Variants in TRPS1 observed in about 807,000 individuals in gnomAD.
TRPS1 encodes zinc finger transcription factor Trps1.
In TRPS1, 6 loss-of-function variants were observed where a neutral mutation model predicts 101.2. The ratio of observed to expected loss-of-function variants is 0.06; its 90% confidence interval spans 0.03 to 0.12. The LOEUF is 0.12. TRPS1 is among the 10% of genes least tolerant of loss of function. The pLI is 1.00. For missense variants in TRPS1, 1,363 were observed against 1,567.0 expected, an observed-to-expected ratio of 0.87 and a Z score of 2.20; for synonymous variants, 578 against 589.8, an observed-to-expected ratio of 0.98 and a Z score of 0.29.
chr8:115,487,412 A>G (rs1814910986), intron 5 of TRPS1, among the ~76,000 whole-genome samples: 2 of 152,144 alleles, frequency 1.3e-5, no homozygotes, highest in African/African-American at 4.8e-5. Flanking sequence ...AGGAGTAATT[A>G]GGACTTTTCA....
chr8:115,554,927 G>C (rs904004345), intron 5 of TRPS1, among the ~76,000 whole-genome samples: 2 of 152,088 alleles, frequency 1.3e-5, no homozygotes, highest in Non-Finnish European at 2.9e-5. Flanking sequence ...GGGTGACTGA[G>C]ACCAGTTTGA....
intron 5 of TRPS1, among the ~76,000 whole-genome samples, chr8:115,522,105 C>T (rs900705949): frequency 4.0e-5 from 6 of 151,842 alleles, no homozygotes; most frequent in African/African-American, 1.2e-4. Flanking sequence ...TTTAATGGAT[C>T]GTTTTTAGAT....
chr8:115,431,463 A>G (rs1207751140), intron 5 of TRPS1, among the ~76,000 whole-genome samples: 1 of 152,042 alleles, frequency 6.6e-6, no homozygotes, highest in East Asian at 1.9e-4. Context: ...AAAATATATG[A>G]ATACATCTCT....
chr8:115,443,319 G>A (rs1313013878), intron 5 of TRPS1, among the ~76,000 whole-genome samples: 1 of 152,056 alleles, frequency 6.6e-6, no homozygotes, highest in Non-Finnish European at 1.5e-5. Flanking sequence ...TACTTTCTAG[G>A]TTTTGTTGAC....
intron 5 of TRPS1, among the ~76,000 whole-genome samples, chr8:115,478,758 C>A (rs113499479): frequency 6.6e-6 from 1 of 150,860 alleles, no homozygotes; most frequent in African/African-American, 2.4e-5. Context: ...GAGCCGAGAT[C>A]ACGCCACTGC....
At chr8:115,562,262 T>C (rs1816963311) in intron 5 of TRPS1, among the ~76,000 whole-genome samples, 1 of 152,104 alleles carries the variant, frequency 6.6e-6, no homozygotes, top group Non-Finnish European at 1.5e-5. Flanking sequence ...GACCATTCCC[T>C]TTATTTTGAA....
chr8:115,648,381 ACTTCCTGCGAT>A (rs770082291), intron 1 of TRPS1, among the ~76,000 whole-genome samples: 19 of 152,164 alleles, frequency 1.2e-4, no homozygotes, highest in Non-Finnish European at 2.6e-4. Flanking sequence ...CTTCCGCAGG[ACTTCCTGCGAT>A]AACACGCCCA....
intron 6 of TRPS1, among the ~76,000 whole-genome samples, chr8:115,415,482 G>T (rs913915247): frequency 5.9e-5 from 9 of 152,202 alleles, no homozygotes; most frequent in African/African-American, 1.9e-4. Flanking sequence ...AGTAACACAG[G>T]AGATACATAT....
chr8:115,596,213 A>T (rs1391531255), intron 4 of TRPS1, among the ~76,000 whole-genome samples: 1 of 151,904 alleles, frequency 6.6e-6, no homozygotes, highest in Non-Finnish European at 1.5e-5. Context: ...ACACTACCAA[A>T]ATATGTGTGT....
At position 115,411,577 on chromosome 8, in the gene TRPS1, A is replaced by G. The variant is rs142400742; in HGVS notation, c.*2446T>C. 6.6e-6 allele frequency: 1 copy of G among 152,590 alleles called. No individual in the cohort carries two copies. Among genetic ancestry groups the G allele is most frequent in the African/African-American group, 2.4e-5 (1 of 41,532 alleles). The allele number at this position is 152,590 out of a possible 1,614,324, so 9.5% of individuals were successfully genotyped here. ...TTTAGATCTTTAATTGTCACCTCTC[A>G]AGTCTGGCTATACATTTTGAGATGC... On this transcript the variant is annotated 3_prime_UTR_variant, in exon 7 of 7. Transcript: ENST00000395715.
chr8:115,576,658 T>C (rs1312833653), intron 5 of TRPS1, among the ~76,000 whole-genome samples: 1 of 152,026 alleles, frequency 6.6e-6, no homozygotes, highest in Non-Finnish European at 1.5e-5. Context: ...AAAAATAACA[T>C]CTAATTTTAC....
chr8:115,640,451 T>C (rs1240350380), intron 1 of TRPS1, among the ~76,000 whole-genome samples: 1 of 152,252 alleles, frequency 6.6e-6, no homozygotes, highest in East Asian at 1.9e-4. Context: ...TAGAAGTCTT[T>C]GCAACGACAA....
chr8:115,625,274 A>G (rs1818480733), intron 1 of TRPS1, among the ~76,000 whole-genome samples: 1 of 151,936 alleles, frequency 6.6e-6, no homozygotes, highest in South Asian at 2.1e-4. Context: ...GATTTAAATC[A>G]CCTGCTCGTG....
intron 5 of TRPS1, among the ~76,000 whole-genome samples, chr8:115,536,275 C>T (rs547374151): frequency 8.5e-5 from 13 of 152,126 alleles, no homozygotes; most frequent in Admixed American, 2.6e-4. Flanking sequence ...AATCCCAGCA[C>T]TTTGGGAGGC....
intron 6 of TRPS1, among the ~76,000 whole-genome samples, chr8:115,416,071 G>A (rs1812912173): frequency 6.6e-6 from 1 of 151,796 alleles, no homozygotes; most frequent in Admixed American, 6.6e-5. Flanking sequence ...TGTTAATAGT[G>A]AAGCATTAGT....
At chr8:115,530,994 G>A (rs535836122) in intron 5 of TRPS1, among the ~76,000 whole-genome samples, 3 of 152,158 alleles carry the variant, frequency 2.0e-5, no homozygotes, top group Non-Finnish European at 4.4e-5. Context: ...ACGAGTTAAT[G>A]GGTGCAGCAC....
intron 1 of TRPS1, among the ~76,000 whole-genome samples, chr8:115,645,697 T>C (rs996998477): frequency 1.3e-5 from 2 of 152,042 alleles, no homozygotes; most frequent in African/African-American, 4.8e-5. Flanking sequence ...TAAAATTAGG[T>C]ACTAATACAA....
At chr8:115,583,893 C>T (rs1350629293) in intron 5 of TRPS1, among the ~76,000 whole-genome samples, 1 of 151,574 alleles carries the variant, frequency 6.6e-6, no homozygotes, top group Admixed American at 6.6e-5. Flanking sequence ...AAACACTGAC[C>T]CTGACATAAG....
At chr8:115,428,376 T>G (rs987995386) in intron 5 of TRPS1, among the ~76,000 whole-genome samples, 1 of 152,198 alleles carries the variant, frequency 6.6e-6, no homozygotes, top group African/African-American at 2.4e-5. Context: ...ACTTTTGCAT[T>G]TCATCACAGA....
Sources: gnomAD v4.1 joint callset for allele counts (sites outside exome capture counted in the v4.1 genomes callset) on GRCh38, gnomAD v4.1.1 for gene constraint, MANE v1.5 for transcripts, NCBI Gene and HGNC (gene_info 2026-07-23, HGNC 2026-07-21) for gene names.